The following NRAP variants were observed in gnomAD, a reference collection of about 807,000 sequenced individuals.
NRAP encodes nebulin related anchoring protein.
In NRAP, 189 loss-of-function variants were observed where a neutral mutation model predicts 225.9. The ratio of observed to expected loss-of-function variants is 0.84; its 90% CI spans 0.74 to 0.94. The LOEUF is 0.94. Among genes scored for constraint, NRAP ranks in the 40% least tolerant of loss-of-function variants. NRAP has a pLI of 0.00. For missense variants in NRAP, 2,176 were observed against 2,168.7 expected (o/e 1.00, Z -0.07); for synonymous variants, 769 against 790.7 (o/e 0.97, Z 0.46).
At chr10:113,606,115 T>G in intron 33 of NRAP, 63 bp downstream of exon 33, 1 of 1,232,188 alleles carries the variant, frequency 8.1e-7, no homozygotes, top group Non-Finnish European at 1.2e-6. Context: ...GTTGGGTTAC[T>G]TCACAGATGT....
At chr10:113,650,599 G>GCAGAGCATCTCAC in intron 7 of NRAP, 54 bp from the exon 8 acceptor site, 1 of 1,190,524 alleles carries the variant, frequency 8.4e-7, no homozygotes, top group Non-Finnish European at 1.3e-6. Context: ...GATGATCTTA[G>GCAGAGCATCTCAC]TGAGATGCTC....
chr10:113,662,905 G>T, intron 2 of NRAP, 139 bp from the exon 3 acceptor site: 1 of 461,768 alleles, frequency 2.2e-6, no homozygotes, highest in Non-Finnish European at 3.7e-6. Flanking sequence ...TTAAGTTCGT[G>T]ATTTTCCAGG....
Position 113,646,451 on chromosome 10 carries a change from A to T in NRAP, c.993+472T>A, listed in dbSNP as rs368238478. Among the ~76,000 whole-genome samples, 10 of 152,364 alleles carry T rather than the reference A, an allele frequency of 6.6e-5. No homozygotes were observed. The South Asian group carries it at 1.7e-3, about 25-fold the overall frequency. On this transcript the variant is annotated intron_variant, in intron 10 of 41. Transcript: ENST00000359988. ...CTAGGTTCTGTTGAGACCAAGTTCCAGTTGGCATGCTAAGATCTGCAGTGA... is the reference window on the plus strand; with the variant it reads ...CTAGGTTCTGTTGAGACCAAGTTCCTGTTGGCATGCTAAGATCTGCAGTGA...
At position 113,597,147 on chromosome 10, in the gene NRAP, G is replaced by T; in HGVS notation, c.4370C>A (p.Thr1457Asn). The change falls in exon 37 of 42, where the codon ACC becomes AAC. Residue 1457 changes from threonine to asparagine, a missense_variant. Coordinates refer to ENST00000359988, the MANE Select transcript of NRAP (RefSeq NM_198060.4). ...YRKKPDSIKF[T>N]TVVDSPDLVH... is the part of the protein sequence containing the mutation. ...CAGGTCTGGGGAGTCAACCACTGTG[G>T]TGAACTTGATACTGTCTGGTTTTTT... is the stretch of plus-strand genomic sequence containing the variant. 1.2e-6 allele frequency: 2 copies of T among 1,613,426 alleles called. No individual in the cohort carries two copies. Among genetic ancestry groups the T allele is most frequent in the Non-Finnish European group, 1.7e-6 (2 of 1,179,408 alleles).
In NRAP at chr10:113,606,197, T is replaced by A. The variant is rs1401894009; in HGVS notation, c.3788A>T (p.Asn1263Ile). The A allele has an allele frequency of 6.2e-7, 1 of 1,613,876 alleles. No individual in the cohort carries two copies. Among genetic ancestry groups the A allele is most frequent in the Admixed American group, 1.7e-5 (1 of 60,026 alleles). Reference sequence around the variant, plus strand: ...GCTTACGTCACTCAGGTTGGCTGCATTCGTTTTTGCTCGGATGAACTCGGG... The same window carrying A: ...GCTTACGTCACTCAGGTTGGCTGCAATCGTTTTTGCTCGGATGAACTCGGG... ...GLPEFIRAKT[N>I]AANLSDARYK... The change falls in exon 33 of 42, where the codon AAT (asparagine) becomes ATT (isoleucine). Residue 1263 changes from asparagine (N) to isoleucine (I), a missense_variant. Around this residue, in one of 3 missense-constraint regions of NRAP, gnomAD observed 1,708 missense variants for 1,695.5 expected, o/e 1.01. Transcript: ENST00000359988.
Position 113,653,936 on chromosome 10 carries a change from C to T in NRAP, c.465+85G>A, listed in dbSNP as rs140016874. The T allele has an allele frequency of 1.7e-3, 1,460 of 842,610 alleles. 10 individuals carry two copies. Among genetic ancestry groups the T allele is most frequent in the Middle Eastern group, 8.1e-4 (3 of 3,686 alleles). 52.2% of individuals were successfully genotyped at this position (842,610 alleles called of 1,614,324 possible). ...GGGATGATAGCATCATTCTGTCTAC[C>T]GAAATTGTAAAAGTCAAGGAACAGT... On this transcript the variant is annotated intron_variant, in intron 5 of 41. Transcript: ENST00000359988.
At chr10:113,627,950 C>T (rs1232013284) in intron 20 of NRAP, among the ~76,000 whole-genome samples, 1 of 152,150 alleles carries the variant, frequency 6.6e-6, no homozygotes, top group East Asian at 1.9e-4. Flanking sequence ...ATTATTATCA[C>T]CATTATTATA....
chr10:113,610,783 TCTG>T (rs1400322915), intron 30 of NRAP, among the ~76,000 whole-genome samples: 2 of 152,174 alleles, frequency 1.3e-5, no homozygotes, highest in African/African-American at 4.8e-5. Flanking sequence ...AGAAAATAAT[TCTG>T]CTGTCACTTG....
In NRAP at chr10:113,620,433, G is replaced by C. The variant is rs143830887; in HGVS notation, c.2874+171C>G. On this transcript the variant is annotated intron_variant, in intron 25 of 41. Coordinates refer to ENST00000359988, the MANE Select transcript of NRAP (RefSeq NM_198060.4). ...TTTTTGCCAGGGCCCCTACTGGTGT[G>C]TGTTTCGTACGTGGTTTCCCTCTAA... Among the ~76,000 whole-genome samples, 5 of 152,328 alleles carry C rather than the reference G, an allele frequency of 3.3e-5. No individual in the cohort carries two copies. The East Asian group carries it at 9.7e-4, about 29-fold the overall frequency.
chr10:113,658,352 G>A (rs60457647), intron 3 of NRAP, among the ~76,000 whole-genome samples: 2,096 of 152,102 alleles, frequency 0.014, 51 homozygotes, highest in African/African-American at 0.048. Flanking sequence ...TTTTATATTC[G>A]TTCAGAATCA....
At chr10:113,637,006 CAAAAAAAAAAA>C (rs59937257) in intron 14 of NRAP, among the ~76,000 whole-genome samples, 9 of 89,266 alleles carry the variant, frequency 1.0e-4, no homozygotes, top group African/African-American at 3.9e-4. Context: ...GACTTCATCT[CAAAAAAAAAAA>C]AAAAAAAAAA....
chr10:113,652,899 G>T, intron 6 of NRAP, 36 bp downstream of exon 6: 2 of 1,422,600 alleles, frequency 1.4e-6, no homozygotes, highest in Non-Finnish European at 2.0e-6. Flanking sequence ...ACAAAAATTA[G>T]CATAATCAAT....
At chr10:113,596,770 T>A (rs1846304092) in intron 37 of NRAP, among the ~76,000 whole-genome samples, 1 of 152,254 alleles carries the variant, frequency 6.6e-6, no homozygotes, top group Admixed American at 6.5e-5. Flanking sequence ...CTGTGTTCTA[T>A]GTACTTGCTA....
At chr10:113,619,531 G>A (rs1387536975) in intron 25 of NRAP, among the ~76,000 whole-genome samples, 2 of 151,876 alleles carry the variant, frequency 1.3e-5, no homozygotes, top group African/African-American at 4.8e-5. Flanking sequence ...CCGTTCCATG[G>A]GAAAATACTA....
rs1189580573 is a variant in NRAP, at chr10:113,589,812, G to A, written c.4957-15C>T. 3 of 1,611,270 alleles carry A rather than the reference G, an allele frequency of 1.9e-6. No individual in the cohort carries two copies. Among genetic ancestry groups the A allele is most frequent in the Non-Finnish European group, 2.5e-6 (3 of 1,178,982 alleles). Reference sequence around the variant, plus strand: ...TTATACTTGACCTTGAGGGTAAGAGGGAAGCAAGAGGAATATGTCAGCAGG... The same window carrying A: ...TTATACTTGACCTTGAGGGTAAGAGAGAAGCAAGAGGAATATGTCAGCAGG... On this transcript the variant is annotated splice_polypyrimidine_tract_variant and intron_variant, in intron 40 of 41. Transcript: ENST00000359988.
intron 25 of NRAP, 64 bp from the exon 26 acceptor site, chr10:113,617,617 G>GA: frequency 1.1e-6 from 1 of 936,848 alleles, no homozygotes; most frequent in East Asian, 2.4e-5. Flanking sequence ...ATTTGAAAGA[G>GA]AAAATCATAG....
At chr10:113,589,413 G>A (rs1354595606) in intron 41 of NRAP, 12 of 583,436 alleles carry the variant, frequency 2.1e-5, no homozygotes, top group Non-Finnish European at 3.6e-5. Flanking sequence ...CGGGATTGAT[G>A]TAGCCCCGGT....
In NRAP at chr10:113,614,301, A is replaced by G. The variant is rs1236765463; in HGVS notation, c.3187-5T>C. The G allele has an allele frequency of 6.3e-7, 1 of 1,581,342 alleles. No individual in the cohort carries two copies. Among genetic ancestry groups the G allele is most frequent in the Admixed American group, 1.7e-5 (1 of 59,984 alleles). On this transcript the variant is annotated splice_region_variant and splice_polypyrimidine_tract_variant and intron_variant, in intron 28 of 41. Transcript: ENST00000359988. ...AAATGCCTCTTTGTATTTGTACTAA[A>G]GGGAAAGAGAGCGGGAGAGAGGAAC...
intron 3 of NRAP, 53 bp from the exon 4 acceptor site, chr10:113,657,627 CAT>C: frequency 9.6e-7 from 1 of 1,040,026 alleles, no homozygotes; most frequent in Non-Finnish European, 1.5e-6. Flanking sequence ...GAGAAAAAAA[CAT>C]AGACAAACAA....
Sources: gnomAD v4.1 joint callset for allele counts (sites outside exome capture counted in the v4.1 genomes callset) on GRCh38, gnomAD v4.1.1 for gene constraint, gnomAD v4.1.1 regional missense constraint, MANE v1.5 for transcripts, NCBI Gene and HGNC (gene_info 2026-07-23, HGNC 2026-07-21) for gene names.